RBM33: variants seen among roughly 807,000 people sequenced by gnomAD.
RBM33 encodes the protein RNA binding motif protein 33, also known as RNA-binding protein 33.
Under a neutral mutation model 132.6 loss-of-function variants are expected in RBM33, and 28 were observed. The ratio of observed to expected loss-of-function variants is 0.21; its 90% CI spans 0.16 to 0.29. The LOEUF (loss-of-function observed/expected upper bound fraction) is 0.29, where lower values mean the gene tolerates loss of function less well. Among genes scored for constraint, RBM33 ranks in the 10% least tolerant of loss-of-function variants. The probability of loss-of-function intolerance (pLI) is 1.00; values close to 1 mark genes in which losing one functional copy is unlikely to be tolerated. For synonymous variants in RBM33, 634 were observed against 593.0 expected (o/e 1.07, Z -1.01); for missense variants, 1,291 against 1,518.5 (o/e 0.85, Z 2.49).
intron 1 of RBM33, among the ~76,000 whole-genome samples, chr7:155,661,439 G>C (rs1798648314): frequency 8.0e-6 from 1 of 125,078 alleles, no homozygotes; most frequent in South Asian, 2.7e-4. Flanking sequence ...ACAGAGTCTT[G>C]CTCTGTGGCC....
At chr7:155,736,488 ATC>A (rs1247759150) in intron 9 of RBM33, among the ~76,000 whole-genome samples, 1 of 152,254 alleles carries the variant, frequency 6.6e-6, no homozygotes, top group African/African-American at 2.4e-5. Flanking sequence ...GTTTAAAAAA[ATC>A]TCCATGAATA....
intron 6 of RBM33, among the ~76,000 whole-genome samples, chr7:155,706,263 G>A (rs77258482): frequency 0.013 from 1,988 of 152,216 alleles, 49 homozygotes; most frequent in African/African-American, 0.045. Flanking sequence ...AGGCTGAGGC[G>A]GATGGATTGC....
At position 155,645,031 on chromosome 7, in the gene RBM33, C is replaced by A. The variant is rs117348825; in HGVS notation, c.43+112C>A. 5 of 764,484 alleles carry A rather than the reference C, an allele frequency of 6.5e-6. No homozygotes were observed. The South Asian group carries it at 8.0e-5, about 12-fold the overall frequency. The allele number at this position is 764,484 out of a possible 1,614,324, so 47.4% of individuals were successfully genotyped here. On this transcript the variant is annotated intron_variant, in intron 1 of 17. Transcript: ENST00000401878. ...GACGAGGCTCTCCCCGGCTCCGACT[C>A]TCTTTGTGTTCGGCCTATTCCGTTT... is the stretch of plus-strand genomic sequence containing the variant.
chr7:155,708,588 C>G lies in RBM33; in HGVS notation c.948+1520C>G, dbSNP rs1585468222. On this transcript the variant is annotated intron_variant, in intron 7 of 17. Coordinates refer to ENST00000401878, the MANE Select transcript of RBM33 (RefSeq NM_053043.3). ...ATGGCGTGAATGCTTTTAGAAATGT[C>G]ATGGATATTCAGTTGTCCTCAATCC... 2.0e-5 allele frequency among the ~76,000 whole-genome samples: 3 copies of G among 152,194 alleles called. No homozygotes were observed. In the East Asian group the frequency reaches 5.8e-4, roughly 29 times the overall value.
At chr7:155,720,578 A>C (rs529162247) in intron 9 of RBM33, among the ~76,000 whole-genome samples, 7 of 152,360 alleles carry the variant, frequency 4.6e-5, no homozygotes, top group Middle Eastern at 3.4e-3. Context: ...ACATTTAATG[A>C]GGATCTACTT....
chr7:155,716,199 G>A (rs1800455366), intron 8 of RBM33, among the ~76,000 whole-genome samples: 1 of 152,162 alleles, frequency 6.6e-6, no homozygotes, highest in South Asian at 2.1e-4. Flanking sequence ...ACACATGCCT[G>A]GGTATTCCCA....
intron 5 of RBM33, among the ~76,000 whole-genome samples, chr7:155,681,259 T>C (rs554836482): frequency 1.3e-5 from 2 of 152,368 alleles, no homozygotes; most frequent in South Asian, 4.1e-4. Context: ...AAAGTCCTTC[T>C]AAGGCGAAAA....
intron 14 of RBM33, among the ~76,000 whole-genome samples, chr7:155,751,924 C>A (rs181539815): frequency 1.3e-5 from 2 of 152,312 alleles, no homozygotes; most frequent in Admixed American, 1.3e-4. Context: ...TGTTAGCTGT[C>A]ATGCTCCTGC....
intron 8 of RBM33, among the ~76,000 whole-genome samples, chr7:155,714,243 A>G (rs558751334): frequency 4.4e-4 from 67 of 152,264 alleles, no homozygotes; most frequent in African/African-American, 1.5e-3. Context: ...AGTTTTCACA[A>G]AGTAGTAAAG....
Position 155,674,054 on chromosome 7 carries a change from C to CATCATT in RBM33, c.171+1141_171+1146dup, listed in dbSNP as rs1433664874. 2.8e-5 allele frequency among the ~76,000 whole-genome samples: 4 copies of CATCATT among 144,838 alleles called. No individual in the cohort carries two copies. The East Asian group carries it at 8.4e-4, about 30-fold the overall frequency. Reference sequence around the variant, plus strand: ...TGCAAGCTTCTAGAAGTGATTACTGCATCATTAGCCTGCAGGTCGCCTGGC... The same window carrying CATCATT: ...TGCAAGCTTCTAGAAGTGATTACTGCATCATTATCATTAGCCTGCAGGTCGCCTGGC... On this transcript the variant is annotated intron_variant, in intron 3 of 17. Transcript: ENST00000401878.
chr7:155,662,687 A>G (rs1798685364), intron 1 of RBM33, among the ~76,000 whole-genome samples: 1 of 151,912 alleles, frequency 6.6e-6, no homozygotes, highest in Non-Finnish European at 1.5e-5. Flanking sequence ...CCAGCCCTTG[A>G]CCCAGGGCAG....
intron 5 of RBM33, among the ~76,000 whole-genome samples, chr7:155,698,650 A>G (rs989974835): frequency 6.6e-6 from 1 of 152,222 alleles, no homozygotes; most frequent in African/African-American, 2.4e-5. Context: ...GGATGGTTCC[A>G]TCACTCAAAA....
rs1798608815 is a variant in RBM33, at chr7:155,660,413, G to A, written c.44-4762G>A. 2.6e-5 allele frequency among the ~76,000 whole-genome samples: 4 copies of A among 152,308 alleles called. No homozygotes were observed. In the South Asian group the frequency reaches 8.3e-4, roughly 32 times the overall value. On this transcript the variant is annotated intron_variant, in intron 1 of 17. Coordinates refer to ENST00000401878, the MANE Select transcript of RBM33 (RefSeq NM_053043.3). ...ACATTCACAGGTGGCAGAAGGAGGG[G>A]TAAGACTTCAGCATATATTTTTTGG...
Position 155,779,389 on chromosome 7 carries a change from G to A in RBM33, c.*4348G>A, listed in dbSNP as rs1286070730. ...ACTCGGAAAGCCGCTAGTCCAGATC[G>A]ACTAGGGAGAGGCTTAGATACTTTA... On this transcript the variant is annotated 3_prime_UTR_variant, in exon 18 of 18. Transcript: ENST00000401878. 2 of 152,154 alleles carry A rather than the reference G, an allele frequency of 1.3e-5. No individual in the cohort carries two copies. Among genetic ancestry groups the A allele is most frequent in the African/African-American group, 4.8e-5 (2 of 41,416 alleles). 9.4% of individuals were successfully genotyped at this position (152,154 alleles called of 1,614,324 possible). A position where few individuals can be genotyped will look rare whatever the true frequency, so the allele number is the denominator to read the frequency against.
chr7:155,711,534 G>A (rs189241733), intron 8 of RBM33, 79 bp downstream of exon 8: 34 of 959,022 alleles, frequency 3.5e-5, no homozygotes, highest in African/African-American at 5.2e-5. Context: ...TTCCACTGAC[G>A]CGTTTTTGAC....
chr7:155,772,398 TG>T (rs772005094), intron 16 of RBM33, among the ~76,000 whole-genome samples: 1 of 152,248 alleles, frequency 6.6e-6, no homozygotes, highest in Non-Finnish European at 1.5e-5. Flanking sequence ...GTTGCTCTAT[TG>T]TTTCAGTGAC....
chr7:155,718,774 T>G lies in RBM33; in HGVS notation c.1260+331T>G, dbSNP rs1357640930. Reference sequence around the variant, plus strand: ...ATTAGAGAGGTGGGGGGTGTATGTGTGCATGCACGCACAGGCACGTGTGTT... The same window carrying G: ...ATTAGAGAGGTGGGGGGTGTATGTGGGCATGCACGCACAGGCACGTGTGTT... On this transcript the variant is annotated intron_variant, in intron 9 of 17. Transcript: ENST00000401878. Among the ~76,000 whole-genome samples the G allele has an allele frequency of 2.0e-5, 3 of 152,180 alleles. No homozygotes were observed. The East Asian group carries it at 5.8e-4, about 29-fold the overall frequency.
intron 2 of RBM33, among the ~76,000 whole-genome samples, chr7:155,665,635 A>G (rs1798781267): frequency 6.6e-6 from 1 of 152,250 alleles, no homozygotes. Context: ...TAATATGTGT[A>G]GATGGTATTT....
chr7:155,707,155 C>A, intron 7 of RBM33, 87 bp downstream of exon 7: 2 of 1,137,680 alleles, frequency 1.8e-6, no homozygotes, highest in Non-Finnish European at 2.6e-6. Context: ...ACATTTCTCT[C>A]TTCTTAGTCT....
Sources: gnomAD v4.1 joint callset for allele counts (sites outside exome capture counted in the v4.1 genomes callset) on GRCh38, gnomAD v4.1.1 for gene constraint, MANE v1.5 for transcripts, NCBI Gene and HGNC (gene_info 2026-07-23, HGNC 2026-07-21) for gene names.